Variants in DMD observed in about 807,000 individuals in gnomAD.
The protein encoded by DMD is dystrophin.
Under a neutral mutation model 330.1 loss-of-function variants are expected in DMD, and 63 were observed. The ratio of observed to expected loss-of-function variants is 0.19; its 90% CI spans 0.16 to 0.24. The LOEUF (loss-of-function observed/expected upper bound fraction) is 0.24, where lower values mean the gene tolerates loss of function less well. Ranked by LOEUF, DMD falls within the 10% of genes least tolerant of loss-of-function variation. The probability of loss-of-function intolerance (pLI) is 1.00; values close to 1 mark genes in which losing one functional copy is unlikely to be tolerated. For missense variants in DMD, 3,344 were observed against 2,684.1 expected, an observed-to-expected ratio of 1.25 and a Z score of -5.43; for synonymous variants, 1,223 against 959.8, an observed-to-expected ratio of 1.27 and a Z score of -5.07.
intron 5 of DMD, among the ~76,000 whole-genome samples, chrX:32,821,241 CTT>C (rs1276402647): frequency 9.0e-6 from 1 of 111,399 alleles, no homozygotes; most frequent in Non-Finnish European, 1.9e-5. Flanking sequence ...AATAGGTACT[CTT>C]TGTGTCTACT....
intron 61 of DMD, among the ~76,000 whole-genome samples, chrX:31,347,401 C>A (rs1446167085): frequency 9.0e-6 from 1 of 111,321 alleles, no homozygotes; most frequent in African/African-American, 3.3e-5. Flanking sequence ...CCCCCTCTAC[C>A]CACACACCTT....
intron 62 of DMD, among the ~76,000 whole-genome samples, chrX:31,315,622 A>G (rs2055939887): frequency 8.9e-6 from 1 of 112,378 alleles, no homozygotes; most frequent in Admixed American, 9.4e-5. Flanking sequence ...CACATTTCCA[A>G]AAGTGCCACG....
chrX:31,388,038 C>T (rs2060526990), intron 60 of DMD, among the ~76,000 whole-genome samples: 1 of 103,510 alleles, frequency 9.7e-6, no homozygotes, highest in African/African-American at 3.6e-5. Flanking sequence ...CTTGCTCAGT[C>T]ACCCAGGCTG....
At chrX:33,164,856 C>T (rs1207532269) in intron 1 of DMD, among the ~76,000 whole-genome samples, 8 of 109,802 alleles carry the variant, frequency 7.3e-5, no homozygotes, top group African/African-American at 2.3e-4. Context: ...CATTTTAGTT[C>T]AAGAAGATAC....
intron 18 of DMD, chrX:32,517,171 A>T (rs1457276057): frequency 8.9e-6 from 1 of 112,027 alleles, no homozygotes; most frequent in Non-Finnish European, 1.9e-5. Context: ...CAGAGCTAAT[A>T]TACACATTTA....
chrX:31,393,838 A>G (rs1329468573), intron 60 of DMD, among the ~76,000 whole-genome samples: 1 of 112,221 alleles, frequency 8.9e-6, no homozygotes, highest in East Asian at 2.8e-4. Context: ...TAAGCTTAAA[A>G]ATATAGAAAT....
In DMD at chrX:31,571,252, GGGGTGTGTGT is replaced by G. The variant is rs1248664470; in HGVS notation, c.8217+56411_8217+56420del. Among the ~76,000 whole-genome samples the G allele has an allele frequency of 1.5e-3, 87 of 59,674 alleles. 2 individuals are homozygous for G. The highest frequency in any genetic ancestry group is 8.3e-3 in the African/African-American group (81 of 9,734). 51.8% of individuals were successfully genotyped at this position (59,674 alleles called of 115,157 possible). A position where few individuals can be genotyped will look rare whatever the true frequency, so the allele number is the denominator to read the frequency against. ...TGAGTTACATGATAAAAGATTTAAA[GGGGTGTGTGT>G]GTGTGTGTGTGTGTGTGTGTGTGTG... On this transcript the variant is annotated intron_variant, in intron 55 of 78. Coordinates refer to ENST00000357033, the MANE Select transcript of DMD (RefSeq NM_004006.3).
chrX:32,089,042 A>G (rs896640296), intron 44 of DMD, among the ~76,000 whole-genome samples: 1 of 111,772 alleles, frequency 8.9e-6, no homozygotes, highest in Non-Finnish European at 1.9e-5. Flanking sequence ...CCCTTTGCTT[A>G]AAGACAAAGT....
chrX:32,109,724 T>C (rs1016055134), intron 44 of DMD, among the ~76,000 whole-genome samples: 2 of 111,342 alleles, frequency 1.8e-5, no homozygotes, highest in Non-Finnish European at 3.8e-5. Context: ...GAGTGCGTGG[T>C]GTGTGTAATC....
chrX:32,678,944 G>A (rs1361188768), intron 9 of DMD, among the ~76,000 whole-genome samples: 2 of 111,457 alleles, frequency 1.8e-5, no homozygotes, highest in African/African-American at 6.5e-5. Context: ...CAAATGTACT[G>A]AAAGAAAAAA....
At chrX:31,610,135 CCTCT>C (rs938823367) in intron 55 of DMD, among the ~76,000 whole-genome samples, 3 of 110,388 alleles carry the variant, frequency 2.7e-5, no homozygotes, top group African/African-American at 9.9e-5. Flanking sequence ...CTTCTCTTCT[CCTCT>C]CTCTGTCTCT....
intron 62 of DMD, among the ~76,000 whole-genome samples, chrX:31,275,347 A>G (rs1449235595): frequency 9.0e-6 from 1 of 111,514 alleles, no homozygotes; most frequent in Non-Finnish European, 1.9e-5. Context: ...TTAGGAATTC[A>G]AAAATGTATT....
At chrX:31,969,295 G>T (rs1465575346) in intron 44 of DMD, among the ~76,000 whole-genome samples, 1 of 111,287 alleles carries the variant, frequency 9.0e-6, no homozygotes, top group Admixed American at 9.6e-5. Flanking sequence ...AAACAAAAAT[G>T]CTTTTTACCA....
intron 7 of DMD, among the ~76,000 whole-genome samples, chrX:32,764,349 A>G (rs1244738150): frequency 1.8e-5 from 2 of 111,241 alleles, no homozygotes; most frequent in African/African-American, 6.5e-5. Flanking sequence ...TAAGCATACA[A>G]TTTATCAGCA....
At chrX:33,337,462 C>T (rs941243936) in intron 1 of DMD, among the ~76,000 whole-genome samples, 1 of 111,427 alleles carries the variant, frequency 9.0e-6, no homozygotes, top group African/African-American at 3.3e-5. Context: ...CTGTAACACA[C>T]TATACAAAAG....
intron 43 of DMD, among the ~76,000 whole-genome samples, chrX:32,229,210 T>G (rs2097158814): frequency 9.0e-6 from 1 of 111,230 alleles, no homozygotes; most frequent in Non-Finnish European, 1.9e-5. Flanking sequence ...TGTTATTGGA[T>G]AGTTACACTC....
intron 1 of DMD, chrX:33,041,377 C>A: frequency 8.5e-7 from 1 of 1,181,385 alleles, no homozygotes; most frequent in Admixed American, 2.4e-5. Flanking sequence ...CCCTCCTTCT[C>A]GCGGGGCTCG....
intron 12 of DMD, among the ~76,000 whole-genome samples, chrX:32,602,873 A>G (rs1218575044): frequency 9.0e-6 from 1 of 111,378 alleles, no homozygotes; most frequent in Non-Finnish European, 1.9e-5. Flanking sequence ...TGGAATCTCA[A>G]AATGGAGAGA....
chrX:31,947,920 ATAATT>A (rs1418009225), intron 45 of DMD, among the ~76,000 whole-genome samples: 10 of 110,654 alleles, frequency 9.0e-5, no homozygotes, highest in Admixed American at 4.8e-4. Flanking sequence ...CCTCTTAATA[ATAATT>A]TAAGTGCACA....
Sources: allele counts gnomAD v4.1 joint callset (sites outside exome capture counted in the v4.1 genomes callset), GRCh38; gene constraint gnomAD v4.1.1; transcripts MANE v1.5; gene names NCBI Gene and HGNC (gene_info 2026-07-23, HGNC 2026-07-21).